CACNA2D1: variants seen among roughly 807,000 people sequenced by gnomAD.
CACNA2D1 encodes the protein calcium voltage-gated channel auxiliary subunit alpha2delta 1, also known as voltage-dependent calcium channel subunit alpha-2/delta-1.
CACNA2D1 carries 53 observed loss-of-function variants against 171.5 expected under a neutral mutation model. That is an observed-to-expected ratio of 0.31 (90% CI 0.25 to 0.39). CACNA2D1 has a LOEUF of 0.39. CACNA2D1 is among the 10% of genes least tolerant of loss of function. CACNA2D1 has a pLI of 1.00. For synonymous variants in CACNA2D1, 442 were observed against 443.1 expected, an observed-to-expected ratio of 1.00 and a Z score of 0.03; for missense variants, 903 against 1,299.8, an observed-to-expected ratio of 0.69 and a Z score of 4.69.
chr7:82,167,755 G>A (rs1795605419), intron 4 of CACNA2D1, among the ~76,000 whole-genome samples: 1 of 152,054 alleles, frequency 6.6e-6, no homozygotes, highest in Non-Finnish European at 1.5e-5. Context: ...GGTCTAACTT[G>A]TTTTCCCTTT....
intron 3 of CACNA2D1, among the ~76,000 whole-genome samples, chr7:82,303,466 A>C (rs1813310167): frequency 6.6e-6 from 1 of 152,016 alleles, no homozygotes; most frequent in African/African-American, 2.4e-5. Context: ...AAAAAAAAAA[A>C]AACTCAAGTA....
chr7:82,041,584 G>T (rs1435596098), intron 10 of CACNA2D1, among the ~76,000 whole-genome samples: 1 of 152,186 alleles, frequency 6.6e-6, no homozygotes, highest in Non-Finnish European at 1.5e-5. Flanking sequence ...AGACTTTCAT[G>T]AATATCACCA....
chr7:82,151,771 T>C (rs1310885684), intron 4 of CACNA2D1, among the ~76,000 whole-genome samples: 5 of 152,110 alleles, frequency 3.3e-5, no homozygotes, highest in African/African-American at 4.8e-5. Context: ...CATCTTTTGA[T>C]CATATTAACT....
At chr7:82,067,326 A>G (rs1462935981) in intron 7 of CACNA2D1, among the ~76,000 whole-genome samples, 1 of 152,198 alleles carries the variant, frequency 6.6e-6, no homozygotes, top group Non-Finnish European at 1.5e-5. Flanking sequence ...GTACTTGGAC[A>G]TGTTTAAACA....
intron 6 of CACNA2D1, among the ~76,000 whole-genome samples, chr7:82,091,708 T>C (rs1811190026): frequency 6.6e-6 from 1 of 152,290 alleles, no homozygotes; most frequent in South Asian, 2.1e-4. Flanking sequence ...CTCAGAAATA[T>C]AGGAGCCCCA....
intron 3 of CACNA2D1, among the ~76,000 whole-genome samples, chr7:82,182,508 A>G (rs992374112): frequency 5.9e-5 from 9 of 152,068 alleles, no homozygotes; most frequent in Non-Finnish European, 8.8e-5. Context: ...TGTAAAATGT[A>G]GTATAATAGG....
chr7:82,156,158 T>G (rs1007146243), intron 4 of CACNA2D1, among the ~76,000 whole-genome samples: 11 of 152,220 alleles, frequency 7.2e-5, no homozygotes, highest in African/African-American at 2.4e-4. Flanking sequence ...AAAATAATTT[T>G]AAATGAAATA....
At chr7:82,264,857 G>A (rs942810264) in intron 3 of CACNA2D1, among the ~76,000 whole-genome samples, 6 of 152,086 alleles carry the variant, frequency 3.9e-5, no homozygotes, top group Admixed American at 1.3e-4. Flanking sequence ...ACTTACAGAT[G>A]AAAATATATA....
chr7:82,441,756 G>A (rs1192574314), intron 1 of CACNA2D1, among the ~76,000 whole-genome samples: 1 of 152,076 alleles, frequency 6.6e-6, no homozygotes, highest in Non-Finnish European at 1.5e-5. Flanking sequence ...ATGAGTAATC[G>A]GAACACATTT....
intron 10 of CACNA2D1, among the ~76,000 whole-genome samples, chr7:82,059,774 A>G (rs1400030002): frequency 1.3e-5 from 2 of 151,518 alleles, no homozygotes; most frequent in East Asian, 2.0e-4. Context: ...AGACTGGATT[A>G]AGAAAATGTG....
rs75506035 is a variant in CACNA2D1, at chr7:82,322,726, T to C, written c.294+12409A>G. 7.2e-5 allele frequency among the ~76,000 whole-genome samples: 11 copies of C among 152,346 alleles called. No homozygotes were observed. In the East Asian group the frequency reaches 1.9e-3, roughly 27 times the overall value. ...ATGATAAATCGTATCAGGAGATTTT[T>C]TAAAGAATCATAGAAATCTTATCTT... On this transcript the variant is annotated intron_variant, in intron 3 of 38. Coordinates refer to ENST00000356860, the MANE Select transcript of CACNA2D1 (RefSeq NM_000722.4).
At chr7:82,170,333 G>GT (rs1054599747) in intron 4 of CACNA2D1, among the ~76,000 whole-genome samples, 44 of 148,088 alleles carry the variant, frequency 3.0e-4, no homozygotes, top group South Asian at 2.8e-3. Context: ...TTTGGTTTTT[G>GT]TTTTTTTTTG....
In CACNA2D1 at chr7:82,347,620, A is replaced by G. The variant is rs568482264; in HGVS notation, c.177+1948T>C. The stretch of plus-strand genomic sequence containing the variant: ...AGCAAAAGGAATGAGGCAATACGGA[A>G]TCATCTGTCTGTGTAAGATGACACT... On this transcript the variant is annotated intron_variant, in intron 2 of 38. Coordinates refer to ENST00000356860, the MANE Select transcript of CACNA2D1 (RefSeq NM_000722.4). Among the ~76,000 whole-genome samples the G allele has an allele frequency of 1.2e-3, 190 of 152,154 alleles. 1 individual carries two copies. The highest frequency in any genetic ancestry group is 1.5e-3 in the Non-Finnish European group (101 of 68,022).
intron 1 of CACNA2D1, among the ~76,000 whole-genome samples, chr7:82,362,780 T>C (rs1317634059): frequency 6.6e-6 from 1 of 152,232 alleles, no homozygotes; most frequent in Non-Finnish European, 1.5e-5. Context: ...AATAATATTT[T>C]CAAATACTTC....
At chr7:82,346,308 G>A (rs1819248074) in intron 2 of CACNA2D1, among the ~76,000 whole-genome samples, 2 of 152,094 alleles carry the variant, frequency 1.3e-5, no homozygotes, top group Non-Finnish European at 2.9e-5. Flanking sequence ...ATGTCACCAA[G>A]TAATATGACA....
In CACNA2D1 at chr7:82,248,692, A is replaced by G. The variant is rs1013215018; in HGVS notation, c.295-78083T>C. Reference sequence around the variant, plus strand: ...GCAGCTGCATCTCAAATTATAAAACAGAGCATTGATGCAGTAGATCAAAAT... The same window carrying G: ...GCAGCTGCATCTCAAATTATAAAACGGAGCATTGATGCAGTAGATCAAAAT... On this transcript the variant is annotated intron_variant, in intron 3 of 38. Coordinates refer to ENST00000356860, the MANE Select transcript of CACNA2D1 (RefSeq NM_000722.4). Among the ~76,000 whole-genome samples the G allele has an allele frequency of 2.6e-5, 4 of 152,308 alleles. No individual in the cohort carries two copies. The East Asian group carries it at 7.7e-4, about 29-fold the overall frequency.
intron 9 of CACNA2D1, among the ~76,000 whole-genome samples, chr7:82,060,877 A>T (rs1806811580): frequency 6.6e-6 from 1 of 152,186 alleles, no homozygotes; most frequent in African/African-American, 2.4e-5. Flanking sequence ...TAATAGACAT[A>T]GTCATTGCTC....
intron 3 of CACNA2D1, among the ~76,000 whole-genome samples, chr7:82,186,835 A>G (rs189105170): frequency 6.6e-6 from 1 of 152,288 alleles, no homozygotes; most frequent in South Asian, 2.1e-4. Flanking sequence ...CACAGATTTG[A>G]ATTCTGAATG....
At chr7:82,158,291 C>T (rs1794576606) in intron 4 of CACNA2D1, among the ~76,000 whole-genome samples, 1 of 151,664 alleles carries the variant, frequency 6.6e-6, no homozygotes, top group South Asian at 2.1e-4. Context: ...CTTAATAGTT[C>T]ATATGTATTC....
Sources: gnomAD v4.1 joint callset for allele counts (sites outside exome capture counted in the v4.1 genomes callset) on GRCh38, gnomAD v4.1.1 for gene constraint, MANE v1.5 for transcripts, NCBI Gene and HGNC (gene_info 2026-07-23, HGNC 2026-07-21) for gene names.